The following SCN2A variants were observed in gnomAD, a reference collection of about 807,000 sequenced individuals.
SCN2A encodes the protein sodium channel protein type 2 subunit alpha.
SCN2A carries 20 observed loss-of-function variants against 188.7 expected under a neutral mutation model. The observed-to-expected ratio is 0.11, with a 90% CI of 0.07 to 0.15. SCN2A has a LOEUF of 0.15. Ranked by LOEUF, SCN2A falls within the 10% of genes least tolerant of loss-of-function variation. SCN2A has a pLI of 1.00. For missense variants in SCN2A, 1,278 were observed against 2,445.0 expected, an observed-to-expected ratio of 0.52 and a Z score of 10.07; for synonymous variants, 804 against 833.1, an observed-to-expected ratio of 0.97 and a Z score of 0.60.
At chr2:165,293,564 A>T (rs1351407976) in intron 1 of SCN2A, among the ~76,000 whole-genome samples, 1 of 152,196 alleles carries the variant, frequency 6.6e-6, no homozygotes, top group African/African-American at 2.4e-5. Flanking sequence ...TACAGTAAAA[A>T]ATATGGTATT....
chr2:165,313,543 G>C, intron 8 of SCN2A, 77 bp from the exon 9 acceptor site: 2 of 1,550,060 alleles, frequency 1.3e-6, no homozygotes, highest in South Asian at 2.2e-5. Context: ...ACAGACATTG[G>C]CATATATTAA....
chr2:165,314,946 A>G (rs1485640204), intron 10 of SCN2A, among the ~76,000 whole-genome samples: 1 of 152,090 alleles, frequency 6.6e-6, no homozygotes, highest in African/African-American at 2.4e-5. Context: ...TCAAATAAAC[A>G]CTCTGTATTA....
intron 3 of SCN2A, among the ~76,000 whole-genome samples, chr2:165,298,928 TA>T (rs1696647124): frequency 1.4e-5 from 2 of 142,954 alleles, no homozygotes; most frequent in African/African-American, 4.9e-5. Context: ...GAGAATCAGA[TA>T]CAAAAAAAGT....
At chr2:165,327,241 A>G in intron 13 of SCN2A, 1 of 440,012 alleles carries the variant, frequency 2.3e-6, no homozygotes, top group South Asian at 2.1e-5. Flanking sequence ...TAAATTCTAA[A>G]CATTGAAACT....
intron 16 of SCN2A, among the ~76,000 whole-genome samples, chr2:165,347,107 G>T (rs2105323444): frequency 6.6e-6 from 1 of 152,210 alleles, no homozygotes; most frequent in Admixed American, 6.5e-5. Context: ...TACCCAAAGG[G>T]TTATAAATCA....
At chr2:165,307,477 GT>G (rs1697198368) in intron 3 of SCN2A, among the ~76,000 whole-genome samples, 2 of 152,182 alleles carry the variant, frequency 1.3e-5, no homozygotes, top group South Asian at 4.1e-4. Flanking sequence ...TACTTGAATT[GT>G]CTTGTTGAAT....
rs371367811 is a variant in SCN2A, at chr2:165,326,926, T to C, written c.2091T>C (p.Asp697=). 1.9e-6 allele frequency: 3 copies of C among 1,614,008 alleles called. No individual in the cohort carries two copies. In the East Asian group the frequency reaches 6.7e-5, roughly 36 times the overall value. ...SYHVSMDLLE[D]PTSRQRAMSI... is the part of the protein sequence containing the mutation. The stretch of plus-strand genomic sequence containing the variant: ...ATGTTTCCATGGATTTATTGGAAGA[T>C]CCTACATCAAGGCAAAGAGCAATGA... Residue 697 remains aspartate (D), a synonymous_variant, in exon 13 of 27, where the codon GAT becomes GAC. Transcript: ENST00000375437.
intron 14 of SCN2A, among the ~76,000 whole-genome samples, chr2:165,335,100 A>G (rs545204377): frequency 6.6e-6 from 1 of 151,866 alleles, no homozygotes; most frequent in African/African-American, 2.4e-5. Flanking sequence ...TGTTGAAAGA[A>G]ATTAAAGAAC....
chr2:165,264,830 G>A (rs1339276461), intron 1 of SCN2A, among the ~76,000 whole-genome samples: 3 of 151,976 alleles, frequency 2.0e-5, no homozygotes, highest in Non-Finnish European at 2.9e-5. Flanking sequence ...ATAATATTCT[G>A]TGTTGTATAT....
rs73025906 is a variant in SCN2A at position 165,344,392 on chromosome 2, T to C, written c.2563-163T>C. 0.035 allele frequency among the ~76,000 whole-genome samples: 5,328 copies of C among 151,886 alleles called. 293 individuals are homozygous for C. The highest frequency in any genetic ancestry group is 0.12 in the African/African-American group (4,920 of 41,440). On this transcript the variant is annotated intron_variant, in intron 15 of 26. Transcript: ENST00000375437. The stretch of plus-strand genomic sequence containing the variant: ...AATTACAGATTTTTCCCTTCCTGTG[T>C]CCATGTGACTAACCTGCACATTGTG...
intron 1 of SCN2A, among the ~76,000 whole-genome samples, chr2:165,244,657 G>A (rs941156939): frequency 1.3e-5 from 2 of 152,134 alleles, no homozygotes; most frequent in African/African-American, 2.4e-5. Flanking sequence ...TTAACTGTTT[G>A]TACTTACTAA....
intron 26 of SCN2A, 69 bp downstream of exon 26, chr2:165,387,085 G>A (rs540468930): frequency 6.8e-7 from 1 of 1,479,612 alleles, no homozygotes; most frequent in South Asian, 1.2e-5. Flanking sequence ...AACTTTAGAG[G>A]TGTTTTTCAC....
chr2:165,316,930 AT>A (rs11339744), intron 11 of SCN2A, among the ~76,000 whole-genome samples: 17,107 of 152,146 alleles, frequency 0.11, 1,065 homozygotes, highest in Middle Eastern at 0.22. Flanking sequence ...TGGTATTCAA[AT>A]TTTGCCTGGT....
At chr2:165,314,688 A>C (rs562457272) in intron 10 of SCN2A, among the ~76,000 whole-genome samples, 2 of 152,326 alleles carry the variant, frequency 1.3e-5, no homozygotes, top group Non-Finnish European at 2.9e-5. Context: ...CCTACTCTAC[A>C]AATCCTTTAA....
intron 12 of SCN2A, among the ~76,000 whole-genome samples, chr2:165,323,851 C>A (rs538052534): frequency 6.6e-6 from 1 of 152,222 alleles, no homozygotes; most frequent in South Asian, 2.1e-4. Context: ...TAAATAAATA[C>A]TTAAGGATTT....
At chr2:165,267,802 A>G (rs1279761703) in intron 1 of SCN2A, 2 of 151,372 alleles carry the variant, frequency 1.3e-5, no homozygotes, top group East Asian at 3.9e-4. Context: ...CTAAATGGAC[A>G]TTTCTCAAAA....
Position 165,390,095 on chromosome 2 carries a change from T to G in SCN2A, c.*271T>G. On this transcript the variant is annotated 3_prime_UTR_variant, in exon 27 of 27. Coordinates refer to ENST00000375437, the MANE Select transcript of SCN2A (RefSeq NM_001040142.2). ...AGAGGCGTAATGGCTACTCAGACGA[T>G]AGGAACCAATTTAAAGGGGGGAGGG... 2.5e-6 allele frequency: 1 copy of G among 397,884 alleles called. No homozygotes were observed. The highest frequency in any genetic ancestry group is 4.5e-6 in the Non-Finnish European group (1 of 223,152). The allele number at this position is 397,884 out of a possible 1,614,324, so 24.6% of individuals were successfully genotyped here.
chr2:165,372,387 T>TA (rs996939564), intron 20 of SCN2A: 74 of 152,244 alleles, frequency 4.9e-4, no homozygotes, highest in African/African-American at 1.7e-3. Context: ...ATTAACACCA[T>TA]ACTCTTAAAA....
chr2:165,323,311 C>T lies in SCN2A; in HGVS notation c.1827C>T (p.Asp609=), dbSNP rs780387055. 7.4e-6 allele frequency: 12 copies of T among 1,614,084 alleles called. No homozygotes were observed. The highest frequency in any genetic ancestry group is 4.2e-6 in the Non-Finnish European group (5 of 1,180,052). ...TTGAGGACAATGACAGCCGAAGAGA[C>T]TCTCTGTTCGTGCCGCACAGACATG... The part of the protein sequence containing the change: ...STFEDNDSRR[D]SLFVPHRHGE... The change falls in exon 12 of 27, where the codon GAC becomes GAT. Residue 609 remains aspartate (D), a synonymous_variant. Coordinates refer to ENST00000375437, the MANE Select transcript of SCN2A (RefSeq NM_001040142.2).
Sources: gnomAD v4.1 joint callset for allele counts (sites outside exome capture counted in the v4.1 genomes callset) on GRCh38, gnomAD v4.1.1 for gene constraint, MANE v1.5 for transcripts, NCBI Gene and HGNC (gene_info 2026-07-23, HGNC 2026-07-21) for gene names.